UMODL1: variants seen among roughly 807,000 people sequenced by gnomAD.
UMODL1 encodes the protein uromodulin-like 1.
In UMODL1, 128 loss-of-function variants were observed where a neutral mutation model predicts 136.3. The observed-to-expected ratio is 0.94, with a 90% CI of 0.81 to 1.09. The LOEUF is 1.09. Among genes scored for constraint, UMODL1 ranks in the 50% least tolerant of loss-of-function variants. The pLI is 0.00. For missense variants in UMODL1, 1,766 were observed against 1,725.6 expected (o/e 1.02, Z -0.41); for synonymous variants, 721 against 720.0 (o/e 1.00, Z -0.02).
intron 17 of UMODL1, among the ~76,000 whole-genome samples, chr21:42,125,714 G>A (rs1282198308): frequency 6.6e-6 from 1 of 152,048 alleles, no homozygotes; most frequent in African/African-American, 2.4e-5. Context: ...GGTCTGGGGT[G>A]AGAGGTGCAT....
chr21:42,064,989 T>C (rs79506386), intron 1 of UMODL1, among the ~76,000 whole-genome samples: 5,742 of 152,366 alleles, frequency 0.038, 290 homozygotes, highest in African/African-American at 0.12. Flanking sequence ...ATTCTGTTTT[T>C]ACTTTTGAAA....
rs1393218348 is a variant in UMODL1, at chr21:42,088,425, C to G, written c.735C>G (p.Thr245=). The stretch of plus-strand genomic sequence containing the variant: ...CACTGCCTGTGGCTGACGTCTCCAC[C>G]CTGCTGGGTGACATTGCGAAGCGTG... ...PRPLPVADVS[T]LLGDIAKRVY... The change falls in exon 5 of 23, where the codon ACC becomes ACG. Residue 245 remains threonine (T), a synonymous_variant. Coordinates refer to ENST00000408910, the MANE Select transcript of UMODL1 (RefSeq NM_001004416.3). 2 of 1,613,784 alleles carry G rather than the reference C, an allele frequency of 1.2e-6. No homozygotes were observed. The highest frequency in any genetic ancestry group is 1.7e-6 in the Non-Finnish European group (2 of 1,179,772).
intron 6 of UMODL1, among the ~76,000 whole-genome samples, chr21:42,097,244 C>T (rs886769822): frequency 3.9e-5 from 6 of 152,202 alleles, no homozygotes; most frequent in African/African-American, 1.4e-4. Flanking sequence ...TAGGACACAT[C>T]AGAATTTGGA....
chr21:42,109,392 G>A (rs2066781859), intron 9 of UMODL1, among the ~76,000 whole-genome samples, 170 bp from the exon 10 acceptor site: 1 of 152,046 alleles, frequency 6.6e-6, no homozygotes, highest in African/African-American at 2.4e-5. Context: ...GGTGGGCACA[G>A]GCAGGCCGTA....
At chr21:42,104,207 C>A (rs1319906188) in intron 9 of UMODL1, 120 bp downstream of exon 9, 2 of 1,106,000 alleles carry the variant, frequency 1.8e-6, no homozygotes, top group African/African-American at 3.2e-5. Flanking sequence ...AATCCTTATT[C>A]TATCTTCCTC....
chr21:42,108,396 C>T (rs2052893590), intron 9 of UMODL1: 1 of 505,456 alleles, frequency 2.0e-6, no homozygotes, highest in Non-Finnish European at 4.1e-6. Flanking sequence ...AGGGTGGTGG[C>T]ATAGCTGTTG....
intron 14 of UMODL1, among the ~76,000 whole-genome samples, chr21:42,117,878 G>C (rs897845017): frequency 1.3e-5 from 2 of 152,200 alleles, no homozygotes; most frequent in Admixed American, 1.3e-4. Flanking sequence ...TCCTTCCCGA[G>C]TTTCTTGATT....
chr21:42,085,188 T>C lies in UMODL1; in HGVS notation c.482-103T>C. 1 of 1,458,998 alleles carries C rather than the reference T, an allele frequency of 6.9e-7. No homozygotes were observed. Among genetic ancestry groups the C allele is most frequent in the South Asian group, 1.3e-5 (1 of 75,444 alleles). The allele number at this position is 1,458,998 out of a possible 1,614,324, so 90.4% of individuals were successfully genotyped here. Reference sequence around the variant, plus strand: ...GGAGGTAAATGCAGAGCAGGGCCTCTCATGGCCTCTGGTTCCCTCTCCTGC... The same window carrying C: ...GGAGGTAAATGCAGAGCAGGGCCTCCCATGGCCTCTGGTTCCCTCTCCTGC... On this transcript the variant is annotated intron_variant, in intron 3 of 22. Transcript: ENST00000408910. This position sits in a 1 kb window ranked among gnomAD's most constrained non-coding sequence, Gnocchi z 4.5.
At chr21:42,090,232 C>G in intron 5 of UMODL1, 66 bp from the exon 6 acceptor site, 2 of 1,601,272 alleles carry the variant, frequency 1.2e-6, no homozygotes, top group Non-Finnish European at 1.7e-6. Flanking sequence ...CGTGTGTGTG[C>G]AGGTAGATGA....
chr21:42,137,699 GTGGGAGGT>G (rs2067226628), intron 22 of UMODL1, 58 bp downstream of exon 22: 1 of 780,266 alleles, frequency 1.3e-6, no homozygotes, highest in African/African-American at 1.7e-5. Flanking sequence ...GTGGAGTGGG[GTGGGAGGT>G]GCAGGCTGAC....
At chr21:42,105,322 G>A (rs1019632422) in intron 9 of UMODL1, among the ~76,000 whole-genome samples, 1 of 152,156 alleles carries the variant, frequency 6.6e-6, no homozygotes, top group Non-Finnish European at 1.5e-5. Context: ...GGCGGATCCA[G>A]CCTTCAGGTG....
chr21:42,126,608 T>C (rs2067059096), intron 18 of UMODL1, 118 bp downstream of exon 18: 4 of 1,467,142 alleles, frequency 2.7e-6, no homozygotes, highest in Non-Finnish European at 2.8e-6. Context: ...AATATACAAA[T>C]GGGTGTGGCC....
intron 21 of UMODL1, among the ~76,000 whole-genome samples, chr21:42,135,553 G>A (rs879322886): frequency 2.6e-5 from 4 of 152,198 alleles, no homozygotes; most frequent in Admixed American, 2.0e-4. Context: ...TTTCTACTCT[G>A]CATCCTCAGG....
chr21:42,107,659 G>A (rs2066741262), intron 9 of UMODL1, among the ~76,000 whole-genome samples: 2 of 152,318 alleles, frequency 1.3e-5, no homozygotes, highest in South Asian at 4.1e-4. Flanking sequence ...CACGCCCCCA[G>A]GAGAGTCCGA....
At chr21:42,063,490 G>A (rs893344216) in intron 1 of UMODL1, among the ~76,000 whole-genome samples, 1 of 152,210 alleles carries the variant, frequency 6.6e-6, no homozygotes, top group Non-Finnish European at 1.5e-5. Context: ...CTTCCCAGCA[G>A]GTGAGCAGCC....
In UMODL1 at chr21:42,071,410, G is replaced by T. The variant is rs757516015; in HGVS notation, c.76+18G>T. 4.0e-5 allele frequency: 62 copies of T among 1,563,336 alleles called. No homozygotes were observed. Among genetic ancestry groups the T allele is most frequent in the Non-Finnish European group, 5.2e-5 (60 of 1,155,508 alleles). The stretch of plus-strand genomic sequence containing the variant: ...CTTCACAGGTGAGGGGTCTGGGCTT[G>T]GCATGGGCAGTTCTTAAGGACAGGG... On this transcript the variant is annotated intron_variant, in intron 1 of 22. Transcript: ENST00000408910.
Position 42,088,296 on chromosome 21 carries a change from C to A in UMODL1, c.606C>A (p.Val202=), listed in dbSNP as rs2066449023. The A allele has an allele frequency of 6.2e-7, 1 of 1,611,740 alleles. No homozygotes were observed. The highest frequency in any genetic ancestry group is 8.5e-7 in the Non-Finnish European group (1 of 1,178,582). Reference sequence around the variant, plus strand: ...ACACTCTGATTCTGCCTTCACAGGTCACCAGCGCCCTGCAACCAATGGCCT... The same window carrying A: ...ACACTCTGATTCTGCCTTCACAGGTAACCAGCGCCCTGCAACCAATGGCCT... ...LNHMRLLHSL[V]TSALQPMAST... The change falls in exon 5 of 23, where the codon GTC becomes GTA. Residue 202 remains valine, a splice_region_variant and synonymous_variant. Transcript: ENST00000408910.
In UMODL1 at chr21:42,096,896, C is replaced by T. The variant is rs76394000; in HGVS notation, c.932-2030C>T. On this transcript the variant is annotated intron_variant, in intron 6 of 22. Transcript: ENST00000408910. The stretch of plus-strand genomic sequence containing the variant: ...ACTTTTTGGAAAAGAAATTGTAGCC[C>T]GCCCTTCCTTTTTCAGTGAGACATA... Among the ~76,000 whole-genome samples, 8 of 152,240 alleles carry T rather than the reference C, an allele frequency of 5.3e-5. No homozygotes were observed. In the East Asian group the frequency reaches 5.8e-4, roughly 11 times the overall value.
At chr21:42,127,376 G>C in intron 19 of UMODL1, 134 bp downstream of exon 19, 1 of 896,788 alleles carries the variant, frequency 1.1e-6, no homozygotes, top group Non-Finnish European at 1.8e-6. Context: ...GGGCTCAGGA[G>C]TGCAGGCACC....
Sources: allele counts gnomAD v4.1 joint callset (sites outside exome capture counted in the v4.1 genomes callset), GRCh38; gene constraint gnomAD v4.1.1; non-coding constraint Gnocchi (gnomAD v3.1); transcripts MANE v1.5; gene names NCBI Gene and HGNC (gene_info 2026-07-23, HGNC 2026-07-21).